The following ZNF277 variants were observed in gnomAD, a reference collection of about 807,000 sequenced individuals.
The protein encoded by ZNF277 is zinc finger protein 277.
Under a neutral mutation model 60.7 loss-of-function variants are expected in ZNF277, and 55 were observed. The ratio of observed to expected loss-of-function variants is 0.91; its 90% CI spans 0.73 to 1.13. The LOEUF (loss-of-function observed/expected upper bound fraction) is 1.13. ZNF277 is among the 50% of genes most tolerant of loss of function. ZNF277 has a pLI of 0.00. For missense variants in ZNF277, 510 were observed against 523.0 expected, an observed-to-expected ratio of 0.98 and a Z score of 0.24; for synonymous variants, 178 against 179.3, an observed-to-expected ratio of 0.99 and a Z score of 0.06.
At chr7:112,320,788 T>G (rs188181704) in intron 5 of ZNF277, among the ~76,000 whole-genome samples, 2 of 152,130 alleles carry the variant, frequency 1.3e-5, no homozygotes, top group East Asian at 3.9e-4. Context: ...AAGATCACAT[T>G]TACTTCTACC....
chr7:112,231,459 C>T (rs145435677), intron 1 of ZNF277, among the ~76,000 whole-genome samples: 9 of 152,240 alleles, frequency 5.9e-5, no homozygotes, highest in African/African-American at 2.4e-5. Context: ...TTTGGAGATA[C>T]TTAGTCTTCC....
At chr7:112,268,594 AAAAAGTGTATAGATTAT>A (rs1791599003) in intron 1 of ZNF277, among the ~76,000 whole-genome samples, 1 of 151,596 alleles carries the variant, frequency 6.6e-6, no homozygotes, top group African/African-American at 2.4e-5. Flanking sequence ...AGAAGTACAA[AAAAAGTGTATAGATTAT>A]TGTTCCTGAA....
intron 1 of ZNF277, among the ~76,000 whole-genome samples, chr7:112,255,308 C>T (rs944538910): frequency 3.3e-5 from 5 of 152,098 alleles, no homozygotes; most frequent in African/African-American, 1.2e-4. Flanking sequence ...AAAAAGGACA[C>T]AAGTTAACTT....
At chr7:112,212,202 T>C (rs1432622731) in intron 1 of ZNF277, among the ~76,000 whole-genome samples, 2 of 152,250 alleles carry the variant, frequency 1.3e-5, no homozygotes, top group African/African-American at 4.8e-5. Context: ...CTGGCCTTTA[T>C]AACTTTAAGC....
rs73197350 is a variant in ZNF277 at position 112,329,218 on chromosome 7, G to T, written c.669-866G>T. ...AAACAATAACAGATTGCAATCATTTGAGAGTTTCCCATGTAAAATATATTA... is the reference window on the plus strand; with the variant it reads ...AAACAATAACAGATTGCAATCATTTTAGAGTTTCCCATGTAAAATATATTA... On this transcript the variant is annotated intron_variant, in intron 6 of 11. Transcript: ENST00000361822. Among the ~76,000 whole-genome samples, 945 of 152,264 alleles carry T rather than the reference G, an allele frequency of 6.2e-3. 4 individuals are homozygous for T. The highest frequency in any genetic ancestry group is 0.014 in the Middle Eastern group (4 of 294).
chr7:112,287,310 G>C (rs1792091849), intron 2 of ZNF277: 1 of 517,576 alleles, frequency 1.9e-6, no homozygotes, highest in African/African-American at 1.9e-5. Flanking sequence ...ATGAGTTCGA[G>C]GCTGCAGTGA....
chr7:112,243,396 C>G (rs562402162), intron 1 of ZNF277, among the ~76,000 whole-genome samples: 14 of 151,130 alleles, frequency 9.3e-5, no homozygotes, highest in African/African-American at 3.4e-4. Flanking sequence ...AACAGACAAC[C>G]TATGGAATAG....
chr7:112,307,577 G>A (rs1792629191), intron 4 of ZNF277, among the ~76,000 whole-genome samples: 2 of 151,752 alleles, frequency 1.3e-5, no homozygotes, highest in African/African-American at 4.8e-5. Context: ...AGCATGCCTG[G>A]CTAATTTTTT....
chr7:112,210,468 T>G lies in ZNF277; in HGVS notation c.91+3661T>G, dbSNP rs537838727. On this transcript the variant is annotated intron_variant, in intron 1 of 11. Coordinates refer to ENST00000361822, the MANE Select transcript of ZNF277 (RefSeq NM_021994.3). ...GCTTTTTTTGTTTTTGTTTTTTGTT[T>G]TTTTTTTTTGTTTTTTTTTTTGAGA... 8.9e-3 allele frequency among the ~76,000 whole-genome samples: 1,341 copies of G among 150,118 alleles called. 17 individuals carry two copies. Among genetic ancestry groups the G allele is most frequent in the African/African-American group, 0.031 (1,255 of 40,952 alleles).
chr7:112,211,105 T>C (rs73195204), intron 1 of ZNF277, among the ~76,000 whole-genome samples: 8,672 of 152,310 alleles, frequency 0.057, 341 homozygotes, highest in South Asian at 0.13. Context: ...TGGACCTTAT[T>C]ATCTGATGAT....
intron 1 of ZNF277, among the ~76,000 whole-genome samples, chr7:112,283,212 T>C (rs1791986384): frequency 6.6e-6 from 1 of 152,210 alleles, no homozygotes; most frequent in Non-Finnish European, 1.5e-5. Context: ...TAAAATCTTC[T>C]TATCTAAAAA....
At chr7:112,337,911 C>T (rs1271442053) in intron 9 of ZNF277, 85 bp downstream of exon 9, 2 of 1,119,412 alleles carry the variant, frequency 1.8e-6, no homozygotes, top group Non-Finnish European at 2.6e-6. Context: ...GCTTTTACTT[C>T]AGTTTCCCAA....
intron 1 of ZNF277, among the ~76,000 whole-genome samples, chr7:112,261,896 G>C (rs1791445194): frequency 6.6e-6 from 1 of 152,088 alleles, no homozygotes; most frequent in African/African-American, 2.4e-5. Flanking sequence ...TGGTTTTTAA[G>C]TAACATCTTT....
At chr7:112,248,624 T>C (rs560871468) in intron 1 of ZNF277, among the ~76,000 whole-genome samples, 5 of 152,274 alleles carry the variant, frequency 3.3e-5, no homozygotes, top group African/African-American at 1.2e-4. Context: ...AATCTTTTAG[T>C]ATCTATTCTT....
chr7:112,226,959 T>G (rs1427684590), intron 1 of ZNF277, among the ~76,000 whole-genome samples: 2 of 152,174 alleles, frequency 1.3e-5, no homozygotes, highest in Non-Finnish European at 2.9e-5. Context: ...CAAATTTCCA[T>G]TTCTTCAGGA....
At chr7:112,275,020 C>A (rs1259211954) in intron 1 of ZNF277, among the ~76,000 whole-genome samples, 1 of 152,162 alleles carries the variant, frequency 6.6e-6, no homozygotes, top group Non-Finnish European at 1.5e-5. Flanking sequence ...ATTGGCCATC[C>A]TGTTCAGATC....
chr7:112,225,932 A>C (rs1384231976), intron 1 of ZNF277, among the ~76,000 whole-genome samples: 1 of 152,208 alleles, frequency 6.6e-6, no homozygotes, highest in African/African-American at 2.4e-5. Flanking sequence ...ATACTGAGCT[A>C]AAGTTACCTG....
At chr7:112,230,282 G>A (rs557363826) in intron 1 of ZNF277, among the ~76,000 whole-genome samples, 1 of 152,278 alleles carries the variant, frequency 6.6e-6, no homozygotes, top group South Asian at 2.1e-4. Context: ...GCCTGTGGCC[G>A]TACTAATGTG....
At chr7:112,213,030 T>C (rs556024647) in intron 1 of ZNF277, among the ~76,000 whole-genome samples, 1 of 152,148 alleles carries the variant, frequency 6.6e-6, no homozygotes, top group South Asian at 2.1e-4. Flanking sequence ...TTTGGCTGTG[T>C]CCCCACCCAA....
Sources: gnomAD v4.1 joint callset for allele counts (sites outside exome capture counted in the v4.1 genomes callset) on GRCh38, gnomAD v4.1.1 for gene constraint, MANE v1.5 for transcripts, NCBI Gene and HGNC (gene_info 2026-07-23, HGNC 2026-07-21) for gene names.